The following COL4A4 variants were observed in gnomAD, a reference collection of about 807,000 sequenced individuals.
The protein encoded by COL4A4 is collagen alpha-4(IV) chain.
Under a neutral mutation model 192.9 loss-of-function variants are expected in COL4A4, and 105 were observed. The ratio of observed to expected loss-of-function variants is 0.54; its 90% CI spans 0.46 to 0.64. The LOEUF (loss-of-function observed/expected upper bound fraction) is 0.64, where lower values mean the gene tolerates loss of function less well. Ranked by LOEUF, COL4A4 falls within the 30% of genes least tolerant of loss-of-function variation. The pLI is 0.00. For missense variants in COL4A4, 1,967 were observed against 2,169.3 expected (o/e 0.91, Z 1.85); for synonymous variants, 762 against 769.9 (o/e 0.99, Z 0.17).
chr2:226,971,273 C>T, the COL4A4 span, among the ~76,000 whole-genome samples: 1 of 152,280 alleles, frequency 6.6e-6, no homozygotes, highest in Admixed American at 6.5e-5. Flanking sequence ...TTGGTGAATG[C>T]CCAAGTGAGT....
At position 227,052,554 on chromosome 2, in the gene COL4A4, T is replaced by C. The variant is rs3769643; in HGVS notation, c.2861-142A>G. 346,387 of 677,288 alleles carry C rather than the reference T, an allele frequency of 0.51. 89,821 individuals carry two copies. Among genetic ancestry groups the C allele is most frequent in the South Asian group, 0.64 (40,765 of 63,982 alleles). The allele number at this position is 677,288 out of a possible 1,614,324, so 42.0% of individuals were successfully genotyped here. ...TATGTAGATCACAAAATGTCACCAT[T>C]GTTGGCTGATTTCCTAAAGGAAGGT... On this transcript the variant is annotated intron_variant, in intron 31 of 47. Transcript: ENST00000396625.
intron 5 of COL4A4, among the ~76,000 whole-genome samples, chr2:227,120,541 A>C (rs139552127): frequency 6.6e-6 from 1 of 152,292 alleles, no homozygotes; most frequent in African/African-American, 2.4e-5. Flanking sequence ...CCAGAAGAGC[A>C]TGCTCCTCTG....
intron 6 of COL4A4, among the ~76,000 whole-genome samples, 182 bp downstream of exon 6, chr2:227,119,713 T>C (rs2061675210): frequency 6.7e-6 from 1 of 148,756 alleles, no homozygotes; most frequent in African/African-American, 2.4e-5. Flanking sequence ...ATATATATTA[T>C]GGTGAAAGAT....
rs191663993 is a variant in COL4A4, at chr2:227,142,133, T to C, written c.115-1895A>G. Among the ~76,000 whole-genome samples the C allele has an allele frequency of 8.9e-5, 13 of 146,746 alleles. No homozygotes were observed. In the East Asian group the frequency reaches 2.2e-3, roughly 25 times the overall value. On this transcript the variant is annotated intron_variant, in intron 3 of 47. Transcript: ENST00000396625. ...AAAAAAAAAAACAGGAATAGTCACA[T>C]ATCAAGGTTTGACTTGGATCAGTAA...
upstream of COL4A4, chr2:227,164,409 C>T (rs1244342608): frequency 6.0e-6 from 3 of 497,518 alleles, no homozygotes; most frequent in African/African-American, 6.2e-5. This position sits in a 1 kb window ranked among gnomAD's most constrained non-coding sequence, Gnocchi z 4.8. Context: ...GGATCCGCGC[C>T]CACCTGCCCC....
At chr2:227,041,893 A>AATGG (rs1971472717) in intron 37 of COL4A4, among the ~76,000 whole-genome samples, 1 of 150,218 alleles carries the variant, frequency 6.7e-6, no homozygotes, top group Non-Finnish European at 1.5e-5. Context: ...AAAGAAAGAA[A>AATGG]GAAAGAAAGA....
At position 227,007,199 on chromosome 2, in the gene COL4A4, A is replaced by G. The variant is rs1241317291; in HGVS notation, c.*126T>C. On this transcript the variant is annotated 3_prime_UTR_variant, in exon 48 of 48. Coordinates refer to ENST00000396625, the MANE Select transcript of COL4A4 (RefSeq NM_000092.5). ...CCAGAGGACTCTGGGAATAACCACG[A>G]CAAAACAGAAGGAACCACTGAAAGG... The G allele has an allele frequency of 2.2e-6, 3 of 1,357,342 alleles. No individual in the cohort carries two copies. Among genetic ancestry groups the G allele is most frequent in the Admixed American group, 3.4e-5 (2 of 59,548 alleles). The allele number at this position is 1,357,342 out of a possible 1,614,324, so 84.1% of individuals were successfully genotyped here.
At chr2:227,103,083 A>C in intron 14 of COL4A4, 61 bp downstream of exon 14, 1 of 1,438,332 alleles carries the variant, frequency 7.0e-7, no homozygotes, top group Non-Finnish European at 9.7e-7. Context: ...GAGAAATAAC[A>C]TTTTAAGTTA....
intron 25 of COL4A4, among the ~76,000 whole-genome samples, chr2:227,070,742 G>C (rs1387803595): frequency 4.2e-5 from 6 of 144,252 alleles, no homozygotes; most frequent in Non-Finnish European, 9.1e-5. Flanking sequence ...GGGGGGAGGG[G>C]GGAGGATAGC....
At chr2:226,992,306 CT>C in the COL4A4 span, among the ~76,000 whole-genome samples, 2 of 152,168 alleles carry the variant, frequency 1.3e-5, no homozygotes, top group African/African-American at 4.8e-5. Flanking sequence ...TTGTGATTCT[CT>C]TCGAAATAAG....
At chr2:227,091,331 A>G (rs916861861) in intron 20 of COL4A4, among the ~76,000 whole-genome samples, 1 of 151,600 alleles carries the variant, frequency 6.6e-6, no homozygotes, top group African/African-American at 2.4e-5. Flanking sequence ...AAATTTAAAA[A>G]TTCAGGTGAA....
chr2:227,101,333 T>C (rs2060511018), intron 17 of COL4A4, among the ~76,000 whole-genome samples, 171 bp downstream of exon 17: 2 of 152,142 alleles, frequency 1.3e-5, no homozygotes, highest in East Asian at 1.9e-4. Context: ...GATATGTCTT[T>C]ATCAGCAACA....
At chr2:227,031,913 C>T (rs1307699643) in intron 40 of COL4A4, 32 bp downstream of exon 40, 1 of 1,450,068 alleles carries the variant, frequency 6.9e-7, no homozygotes, top group Non-Finnish European at 9.7e-7. Flanking sequence ...ACAAAGGGAG[C>T]ACTGCCATCC....
intron 44 of COL4A4, among the ~76,000 whole-genome samples, chr2:227,017,809 T>C (rs1440325840): frequency 6.6e-6 from 1 of 152,170 alleles, no homozygotes; most frequent in Non-Finnish European, 1.5e-5. Flanking sequence ...TTTTTTTACC[T>C]TTTATTTTAG....
chr2:227,040,731 CTT>C (rs1352289513), intron 37 of COL4A4, among the ~76,000 whole-genome samples: 4 of 151,772 alleles, frequency 2.6e-5, no homozygotes, highest in African/African-American at 9.7e-5. Flanking sequence ...ACAGAGCTAA[CTT>C]TTATATTTTT....
At chr2:227,075,777 CT>C (rs1259423319) in intron 25 of COL4A4, among the ~76,000 whole-genome samples, 4 of 152,156 alleles carry the variant, frequency 2.6e-5, no homozygotes, top group Non-Finnish European at 5.9e-5. Flanking sequence ...AGCTAAGCAA[CT>C]TCAGCAAAGT....
At chr2:227,082,479 T>A (rs1004032643) in intron 22 of COL4A4, among the ~76,000 whole-genome samples, 11 of 152,230 alleles carry the variant, frequency 7.2e-5, no homozygotes, top group African/African-American at 2.7e-4. Flanking sequence ...GTACTGTGGT[T>A]ATGTAAATAT....
chr2:227,110,764 A>G (rs1251995689), intron 9 of COL4A4, among the ~76,000 whole-genome samples: 1 of 149,170 alleles, frequency 6.7e-6, no homozygotes, highest in East Asian at 2.0e-4. Context: ...GCTTACTGCA[A>G]GCTCTGCCTT....
intron 1 of COL4A4, among the ~76,000 whole-genome samples, chr2:227,161,867 C>T (rs1403733292): frequency 6.6e-6 from 1 of 151,914 alleles, no homozygotes; most frequent in Non-Finnish European, 1.5e-5. Context: ...CATTTTAGTA[C>T]TGAGCTCAGA....
Sources: allele counts gnomAD v4.1 joint callset (sites outside exome capture counted in the v4.1 genomes callset), GRCh38; gene constraint gnomAD v4.1.1; non-coding constraint Gnocchi (gnomAD v3.1); transcripts MANE v1.5; gene names NCBI Gene and HGNC (gene_info 2026-07-23, HGNC 2026-07-21).